Variants in TRAP1 observed in about 807,000 individuals in gnomAD.
TRAP1 encodes TNF receptor associated protein 1, also known as heat shock protein 75 kDa, mitochondrial.
TRAP1 carries 102 observed loss-of-function variants against 89.1 expected under a neutral mutation model. The observed-to-expected ratio is 1.15, with a 90% CI of 0.98 to 1.35. TRAP1 has a LOEUF of 1.35. TRAP1 is among the 40% of genes most tolerant of loss of function. TRAP1 has a pLI of 0.00. For missense variants in TRAP1, 1,256 were observed against 945.3 expected, an observed-to-expected ratio of 1.33 and a Z score of -4.31; for synonymous variants, 508 against 388.0, an observed-to-expected ratio of 1.31 and a Z score of -3.64.
intron 1 of TRAP1, among the ~76,000 whole-genome samples, chr16:3,706,415 G>C (rs896791069): frequency 6.6e-6 from 1 of 151,398 alleles, no homozygotes; most frequent in African/African-American, 2.4e-5. Flanking sequence ...CAAGCAGGTG[G>C]GATTAGAAGG....
intron 1 of TRAP1, among the ~76,000 whole-genome samples, chr16:3,708,455 G>A (rs2051481088): frequency 6.6e-6 from 1 of 152,058 alleles, no homozygotes; most frequent in Admixed American, 6.6e-5. Context: ...TGATCAACAT[G>A]GTGAAATTCC....
chr16:3,694,340 G>C (rs1011867252), intron 1 of TRAP1, among the ~76,000 whole-genome samples: 1 of 146,680 alleles, frequency 6.8e-6, no homozygotes, highest in African/African-American at 2.5e-5. Flanking sequence ...GGACGCGAAC[G>C]TATCTTTCTC....
chr16:3,666,962 G>A (rs148553023), intron 11 of TRAP1, among the ~76,000 whole-genome samples: 14 of 152,274 alleles, frequency 9.2e-5, no homozygotes, highest in African/African-American at 3.1e-4. Context: ...ATAATCCAGA[G>A]CATGGGAACA....
intron 1 of TRAP1, among the ~76,000 whole-genome samples, chr16:3,693,241 G>A (rs1003617005): frequency 6.6e-6 from 1 of 152,124 alleles, no homozygotes; most frequent in Non-Finnish European, 1.5e-5. Context: ...GAGCCACCAT[G>A]CCCGGCCAAC....
At chr16:3,661,108 T>C (rs905313034) in intron 16 of TRAP1, 1 of 152,106 alleles carries the variant, frequency 6.6e-6, no homozygotes, top group Non-Finnish European at 1.5e-5. Context: ...ATATACAAGT[T>C]AGAAAATGAA....
At chr16:3,678,047 C>G (rs933881915) in intron 5 of TRAP1, 2 of 205,102 alleles carry the variant, frequency 9.8e-6, no homozygotes, top group Non-Finnish European at 2.0e-5. Flanking sequence ...CTTCCATATT[C>G]AAGTCTCCTG....
intron 11 of TRAP1, among the ~76,000 whole-genome samples, chr16:3,669,037 C>T (rs1402268771): frequency 2.0e-5 from 3 of 152,176 alleles, no homozygotes; most frequent in African/African-American, 7.2e-5. Flanking sequence ...GTGTCCTTTG[C>T]CTTATCCAGC....
chr16:3,717,371 G>C lies in TRAP1; in HGVS notation c.88+50C>G, dbSNP rs1438447393. The C allele has an allele frequency of 3.9e-6, 3 of 769,836 alleles. No individual in the cohort carries two copies. In the Admixed American group the frequency reaches 1.3e-4, roughly 34 times the overall value. The allele number at this position is 769,836 out of a possible 1,614,324, so 47.7% of individuals were successfully genotyped here. On this transcript the variant is annotated intron_variant, in intron 1 of 17. Transcript: ENST00000246957. ...CCCGGAGCACAGGGACGTCCCTGCC[G>C]TCTCCGTGGCCCGGCCCGCCCGCTG...
rs777939755 is a variant in TRAP1, at chr16:3,658,789, TCACCTGATCCACCAG to T, written c.2002_2013+3del. The T allele has an allele frequency of 1.9e-6, 3 of 1,613,564 alleles. No homozygotes were observed. Among genetic ancestry groups the T allele is most frequent in the Admixed American group, 3.3e-5 (2 of 59,990 alleles). ...CTGCAGTCATCCTAAGCTGCTGCAC[TCACCTGATCCACCAG>T]CAGCTGAGCCAGGCCAGGCTCGCTT... On this transcript the variant is annotated splice_donor_variant and splice_donor_region_variant and coding_sequence_variant and intron_variant, in exon 17 of 18. Coordinates refer to ENST00000246957, the MANE Select transcript of TRAP1 (RefSeq NM_016292.3). LOFTEE classifies it high-confidence loss of function.
At chr16:3,701,406 A>G (rs959448885) in intron 1 of TRAP1, among the ~76,000 whole-genome samples, 10 of 152,072 alleles carry the variant, frequency 6.6e-5, no homozygotes, top group Non-Finnish European at 1.3e-4. Context: ...ATAAAACAGA[A>G]GCCGGGCACA....
rs1567221821 is a variant in TRAP1, at chr16:3,662,971, CGGAAGA to C, written c.1709-10_1709-5del. On this transcript the variant is annotated splice_region_variant and splice_polypyrimidine_tract_variant and intron_variant, in intron 14 of 17. Coordinates refer to ENST00000246957, the MANE Select transcript of TRAP1 (RefSeq NM_016292.3). Reference sequence around the variant, plus strand: ...TTCTCTGATAGGCACTCGGCGGCTGCGGAAGAGCAGGCGACAGGGAGCTCAGGCCTG... The same window carrying C: ...TTCTCTGATAGGCACTCGGCGGCTGCGCAGGCGACAGGGAGCTCAGGCCTG... 1 of 1,605,852 alleles carries C rather than the reference CGGAAGA, an allele frequency of 6.2e-7. No individual in the cohort carries two copies. The highest frequency in any genetic ancestry group is 8.5e-7 in the Non-Finnish European group (1 of 1,178,882).
At chr16:3,693,848 C>G (rs11646456) in intron 1 of TRAP1, among the ~76,000 whole-genome samples, 56,068 of 151,850 alleles carry the variant, frequency 0.37, 11,584 homozygotes, top group East Asian at 0.61. Context: ...CAAAAACTAG[C>G]CAGGTGTAGT....
intron 11 of TRAP1, among the ~76,000 whole-genome samples, chr16:3,668,203 T>G (rs995451169): frequency 1.3e-5 from 2 of 151,804 alleles, no homozygotes; most frequent in Admixed American, 1.3e-4. Flanking sequence ...ATTACAGGAG[T>G]GAGCCATTGC....
At chr16:3,682,952 C>A (rs578080596) in intron 4 of TRAP1, among the ~76,000 whole-genome samples, 1 of 151,844 alleles carries the variant, frequency 6.6e-6, no homozygotes, top group Non-Finnish European at 1.5e-5. Context: ...GCAGATCACA[C>A]GAGGCCGGGA....
chr16:3,680,125 C>A (rs2051055466), intron 4 of TRAP1: 2 of 222,574 alleles, frequency 9.0e-6, no homozygotes, highest in African/African-American at 4.5e-5. Flanking sequence ...TACTCGGAGG[C>A]TGAGGCAGGA....
intron 1 of TRAP1, among the ~76,000 whole-genome samples, chr16:3,709,375 G>A (rs2051496135): frequency 6.6e-6 from 1 of 152,122 alleles, no homozygotes; most frequent in South Asian, 2.1e-4. Flanking sequence ...AAACGAGATA[G>A]CATTTTCACT....
At chr16:3,686,754 T>TGAGGTCAG (rs2051144005) in intron 3 of TRAP1, among the ~76,000 whole-genome samples, 1 of 152,114 alleles carries the variant, frequency 6.6e-6, no homozygotes, top group South Asian at 2.1e-4. Context: ...GTGGATCACT[T>TGAGGTCAG]GAGGTCAGGA....
intron 4 of TRAP1, 72 bp from the exon 5 acceptor site, chr16:3,679,862 A>T: frequency 6.8e-7 from 1 of 1,471,798 alleles, no homozygotes; most frequent in Non-Finnish European, 9.5e-7. Flanking sequence ...CAGCAGTCCC[A>T]GGGACTCAAG....
At chr16:3,658,315 C>G (rs117036567) in intron 17 of TRAP1, 85 bp from the exon 18 acceptor site, 63,403 of 1,142,120 alleles carry the variant, frequency 0.056, 2,021 homozygotes, top group Admixed American at 0.062. Context: ...CTCACTGTTG[C>G]CGAGGCTGGA....
Sources: allele counts gnomAD v4.1 joint callset (sites outside exome capture counted in the v4.1 genomes callset), GRCh38; gene constraint gnomAD v4.1.1; transcripts MANE v1.5; gene names NCBI Gene and HGNC (gene_info 2026-07-23, HGNC 2026-07-21).